The following CSMD1 variants were observed in gnomAD, a reference collection of about 807,000 sequenced individuals.
CSMD1 encodes the protein CUB and sushi domain-containing protein 1.
In CSMD1, 213 loss-of-function variants were observed where a neutral mutation model predicts 417.5. The ratio of observed to expected loss-of-function variants is 0.51; its 90% CI spans 0.46 to 0.57. The LOEUF is 0.57. Ranked by LOEUF, CSMD1 falls within the 20% of genes least tolerant of loss-of-function variation. CSMD1 has a pLI of 0.00. For missense variants in CSMD1, 6,923 were observed against 4,529.7 expected (o/e 1.53, Z -15.17); for synonymous variants, 2,862 against 1,736.8 (o/e 1.65, Z -16.11).
At chr8:3,844,112 T>G (rs1803325013) in intron 5 of CSMD1, among the ~76,000 whole-genome samples, 1 of 152,304 alleles carries the variant, frequency 6.6e-6, no homozygotes, top group South Asian at 2.1e-4. Flanking sequence ...CCATTTTTAT[T>G]ATATACATAA....
At chr8:4,664,802 A>G (rs1804813311) in intron 1 of CSMD1, among the ~76,000 whole-genome samples, 1 of 152,156 alleles carries the variant, frequency 6.6e-6, no homozygotes, top group Non-Finnish European at 1.5e-5. Flanking sequence ...TGGCATCTTT[A>G]TGGTGAGGGA....
intron 3 of CSMD1, among the ~76,000 whole-genome samples, chr8:4,408,437 T>C (rs1796462921): frequency 6.6e-6 from 1 of 152,200 alleles, no homozygotes; most frequent in Non-Finnish European, 1.5e-5. Context: ...AGAAAAGAAT[T>C]GGGAGAATAC....
At chr8:4,821,690 G>C (rs1053894371) in intron 1 of CSMD1, among the ~76,000 whole-genome samples, 1 of 152,226 alleles carries the variant, frequency 6.6e-6, no homozygotes. Context: ...TTTGAAGAAA[G>C]AGCCCTATTC....
chr8:4,316,501 T>C (rs966429066), intron 3 of CSMD1, among the ~76,000 whole-genome samples: 3 of 152,140 alleles, frequency 2.0e-5, no homozygotes, highest in Admixed American at 1.3e-4. Context: ...CACCAACCTA[T>C]ACAAATAGAA....
intron 2 of CSMD1, among the ~76,000 whole-genome samples, chr8:4,523,632 G>C (rs1274197062): frequency 6.6e-6 from 1 of 152,030 alleles, no homozygotes; most frequent in African/African-American, 2.4e-5. Context: ...GAAAACCAAG[G>C]TTCCAGTCCG....
At chr8:3,086,840 A>G (rs1397833618) in intron 49 of CSMD1, among the ~76,000 whole-genome samples, 1 of 152,222 alleles carries the variant, frequency 6.6e-6, no homozygotes, top group African/African-American at 2.4e-5. Flanking sequence ...TTTTTACTTC[A>G]AGAGGAAGTA....
At chr8:3,998,363 A>C (rs73658527) in intron 4 of CSMD1, among the ~76,000 whole-genome samples, 3,655 of 152,264 alleles carry the variant, frequency 0.024, 147 homozygotes, top group African/African-American at 0.084. Context: ...TTTCTGAAAC[A>C]TGGAAAGTGT....
chr8:4,677,402 T>C (rs1805765968), intron 1 of CSMD1, among the ~76,000 whole-genome samples: 1 of 152,072 alleles, frequency 6.6e-6, no homozygotes, highest in Non-Finnish European at 1.5e-5. Context: ...GCATTTGAAT[T>C]AGAGACAGAT....
At chr8:3,891,795 C>T (rs766831059) in intron 5 of CSMD1, among the ~76,000 whole-genome samples, 1 of 152,068 alleles carries the variant, frequency 6.6e-6, no homozygotes, top group Non-Finnish European at 1.5e-5. Flanking sequence ...GTGATTTAGG[C>T]ACATCAATTA....
chr8:3,221,553 C>G (rs932894274), intron 28 of CSMD1, among the ~76,000 whole-genome samples: 3 of 151,810 alleles, frequency 2.0e-5, no homozygotes, highest in African/African-American at 7.3e-5. Context: ...AACAAACAAA[C>G]AAACAAACAC....
At position 3,396,375 on chromosome 8, in the gene CSMD1, C is replaced by G. The variant is rs772885971; in HGVS notation, c.2412G>C (p.Gln804His). 1.3e-6 allele frequency: 2 copies of G among 1,576,830 alleles called. No individual in the cohort carries two copies. The highest frequency in any genetic ancestry group is 1.7e-6 in the Non-Finnish European group (2 of 1,161,500). ...HSIKITFDRF[Q>H]TEVNYDTLEV... is the part of the protein sequence containing the mutation. ...CCAAGGTGTCATAATTGACCTCTGT[C>G]TGAAATCTGCAAATATATACATCCC... Residue 804 changes from glutamine to histidine, a missense_variant, in exon 17 of 70, where the codon CAG becomes CAC. Transcript: ENST00000635120.
At chr8:4,174,411 G>T (rs768356233) in intron 3 of CSMD1, among the ~76,000 whole-genome samples, 1 of 151,568 alleles carries the variant, frequency 6.6e-6, no homozygotes, top group Non-Finnish European at 1.5e-5. Flanking sequence ...AAGAGAAATT[G>T]CACTTCACCG....
At chr8:4,353,942 G>A (rs141800372) in intron 3 of CSMD1, among the ~76,000 whole-genome samples, 4 of 152,084 alleles carry the variant, frequency 2.6e-5, no homozygotes, top group Non-Finnish European at 4.4e-5. Flanking sequence ...GTATATTAGG[G>A]AACTTCATCA....
chr8:4,090,352 C>T (rs565062508), intron 3 of CSMD1, among the ~76,000 whole-genome samples: 1 of 152,118 alleles, frequency 6.6e-6, no homozygotes, highest in Admixed American at 6.5e-5. Context: ...ATCTATCATG[C>T]CTTAAAAATA....
intron 1 of CSMD1, among the ~76,000 whole-genome samples, chr8:4,678,036 T>C (rs2130967233): frequency 6.6e-6 from 1 of 152,272 alleles, no homozygotes; most frequent in East Asian, 1.9e-4. Flanking sequence ...ATGGGAACTA[T>C]TTTAGTAACA....
chr8:4,390,696 G>C (rs1275643394), intron 3 of CSMD1, among the ~76,000 whole-genome samples: 1 of 151,520 alleles, frequency 6.6e-6, no homozygotes, highest in Non-Finnish European at 1.5e-5. Context: ...TGTATTTTCA[G>C]TAGAGACGGG....
intron 56 of CSMD1, among the ~76,000 whole-genome samples, chr8:2,973,533 G>C (rs1293040679): frequency 1.3e-5 from 2 of 152,144 alleles, no homozygotes; most frequent in Non-Finnish European, 2.9e-5. Context: ...TTCAAATATG[G>C]TTGTGAGAAT....
intron 62 of CSMD1, among the ~76,000 whole-genome samples, chr8:2,959,321 TCTC>T (rs925501103): frequency 3.9e-5 from 6 of 152,136 alleles, no homozygotes; most frequent in African/African-American, 1.4e-4. Flanking sequence ...CCCAGGCTGT[TCTC>T]CTGGCCTCAA....
At chr8:4,935,611 C>T (rs1255664901) in intron 1 of CSMD1, among the ~76,000 whole-genome samples, 3 of 152,166 alleles carry the variant, frequency 2.0e-5, no homozygotes, top group African/African-American at 4.8e-5. Flanking sequence ...TTCATTTGCT[C>T]TCATTCTCCA....
Sources: gnomAD v4.1 joint callset for allele counts (sites outside exome capture counted in the v4.1 genomes callset) on GRCh38, gnomAD v4.1.1 for gene constraint, MANE v1.5 for transcripts, NCBI Gene and HGNC (gene_info 2026-07-23, HGNC 2026-07-21) for gene names.